TNFRSF19: variants seen among roughly 807,000 people sequenced by gnomAD.
The protein encoded by TNFRSF19 is tumor necrosis factor receptor superfamily member 19.
In TNFRSF19, 27 loss-of-function variants were observed where a neutral mutation model predicts 46.4. The ratio of observed to expected loss-of-function variants is 0.58; its 90% CI spans 0.43 to 0.80. The LOEUF is 0.80. Among genes scored for constraint, TNFRSF19 ranks in the 30% least tolerant of loss-of-function variants. The pLI is 0.00. For missense variants in TNFRSF19, 511 were observed against 530.8 expected (o/e 0.96, Z 0.37); for synonymous variants, 204 against 205.0 (o/e 1.00, Z 0.04).
At chr13:23,663,477 GT>G (rs1884504350) in intron 7 of TNFRSF19, among the ~76,000 whole-genome samples, 1 of 151,946 alleles carries the variant, frequency 6.6e-6, no homozygotes, top group Non-Finnish European at 1.5e-5. Flanking sequence ...CTGAAGTTTT[GT>G]TTTTTTGTTG....
intron 1 of TNFRSF19, among the ~76,000 whole-genome samples, chr13:23,571,604 A>C (rs892177727): frequency 2.6e-5 from 4 of 152,184 alleles, no homozygotes; most frequent in Non-Finnish European, 4.4e-5. Context: ...TTTAAGTCAA[A>C]ATTTGCCAAC....
At chr13:23,579,632 C>G (rs1282000709) in intron 1 of TNFRSF19, 1 of 152,234 alleles carries the variant, frequency 6.6e-6, no homozygotes, top group Non-Finnish European at 1.5e-5. Context: ...GGCGGCCGCC[C>G]TAGGGAGGGA....
At chr13:23,571,872 G>GTT (rs796851242) in intron 1 of TNFRSF19, among the ~76,000 whole-genome samples, 1 of 144,484 alleles carries the variant, frequency 6.9e-6, no homozygotes, top group African/African-American at 2.5e-5. Context: ...TGTTCGCGAT[G>GTT]TTTTTTTTTT....
At chr13:23,653,531 G>T (rs1432668972) in intron 5 of TNFRSF19, among the ~76,000 whole-genome samples, 3 of 152,180 alleles carry the variant, frequency 2.0e-5, no homozygotes, top group African/African-American at 7.2e-5. Flanking sequence ...CCTCACTGAG[G>T]TGGTGACATT....
chr13:23,572,170 A>C (rs577929370), intron 1 of TNFRSF19, among the ~76,000 whole-genome samples: 1 of 152,308 alleles, frequency 6.6e-6, no homozygotes, highest in African/African-American at 2.4e-5. Context: ...GAGGTTATTT[A>C]AAGCCATGCT....
chr13:23,600,270 C>T (rs913067096), intron 3 of TNFRSF19, among the ~76,000 whole-genome samples: 1 of 152,164 alleles, frequency 6.6e-6, no homozygotes, highest in African/African-American at 2.4e-5. Context: ...GTCCGCAGCT[C>T]TTAGATCTGC....
At chr13:23,658,114 G>A (rs552216436) in intron 5 of TNFRSF19, among the ~76,000 whole-genome samples, 99 of 152,184 alleles carry the variant, frequency 6.5e-4, no homozygotes, top group African/African-American at 2.3e-3. Flanking sequence ...AGTAGGATAT[G>A]CTGTTTAACT....
chr13:23,624,933 A>G (rs778047954), intron 4 of TNFRSF19, among the ~76,000 whole-genome samples: 6 of 151,154 alleles, frequency 4.0e-5, no homozygotes, highest in East Asian at 1.9e-4. Context: ...TGTATTTTTC[A>G]TAGAGACGGG....
chr13:23,624,791 C>G (rs1465774582), intron 4 of TNFRSF19, among the ~76,000 whole-genome samples: 1 of 151,004 alleles, frequency 6.6e-6, no homozygotes, highest in Non-Finnish European at 1.5e-5. Flanking sequence ...ACTCTTGTTG[C>G]CCAGGCTGGA....
chr13:23,648,598 C>T (rs890347399), intron 5 of TNFRSF19, among the ~76,000 whole-genome samples: 2 of 152,142 alleles, frequency 1.3e-5, no homozygotes. Context: ...AGTAATTTCT[C>T]TGGCTAGGAT....
At chr13:23,632,919 A>C (rs186807608) in intron 5 of TNFRSF19, among the ~76,000 whole-genome samples, 1 of 152,230 alleles carries the variant, frequency 6.6e-6, no homozygotes, top group Admixed American at 6.5e-5. Context: ...AACTCACAAA[A>C]AGCAGCATGA....
chr13:23,650,894 T>C (rs1204212152), intron 5 of TNFRSF19, among the ~76,000 whole-genome samples: 1 of 152,204 alleles, frequency 6.6e-6, no homozygotes, highest in African/African-American at 2.4e-5. Context: ...TGACGAAGCC[T>C]TCTTCTTTCA....
chr13:23,632,643 G>A (rs569902111), intron 5 of TNFRSF19, among the ~76,000 whole-genome samples: 4 of 152,148 alleles, frequency 2.6e-5, no homozygotes, highest in Non-Finnish European at 5.9e-5. Flanking sequence ...CTAAAATAGT[G>A]GTAGTCAAAG....
chr13:23,591,724 CTTTCTTT>C, intron 2 of TNFRSF19, among the ~76,000 whole-genome samples: 1 of 84,794 alleles, frequency 1.2e-5, no homozygotes, highest in Non-Finnish European at 2.5e-5. Flanking sequence ...TTCTTTCTTT[CTTTCTTT>C]TTTTTTTTTT....
At chr13:23,616,941 A>T (rs1419636790) in intron 4 of TNFRSF19, among the ~76,000 whole-genome samples, 1 of 152,204 alleles carries the variant, frequency 6.6e-6, no homozygotes, top group Non-Finnish European at 1.5e-5. Flanking sequence ...ATGCAGAAAG[A>T]TAGAAGATGA....
intron 3 of TNFRSF19, among the ~76,000 whole-genome samples, chr13:23,615,055 T>C (rs79200655): frequency 0.025 from 3,735 of 152,264 alleles, 150 homozygotes; most frequent in African/African-American, 0.085. Context: ...GAATCATACT[T>C]CTAATTCTGT....
rs567919132 is a variant in TNFRSF19 at position 23,615,685 on chromosome 13, C to T, written c.181-182C>T. Among the ~76,000 whole-genome samples, 144 of 152,294 alleles carry T rather than the reference C, an allele frequency of 9.5e-4. 1 individual carries two copies. Among genetic ancestry groups the T allele is most frequent in the Middle Eastern group, 3.4e-3 (1 of 294 alleles). Reference sequence around the variant, plus strand: ...AAAGTGGATGACTAAGTGGACTTACCATAGTAAGAGAGATCATTAGCAGTG... The same window carrying T: ...AAAGTGGATGACTAAGTGGACTTACTATAGTAAGAGAGATCATTAGCAGTG... On this transcript the variant is annotated intron_variant, in intron 3 of 9. Coordinates refer to ENST00000248484, the MANE Select transcript of TNFRSF19 (RefSeq NM_148957.4).
chr13:23,574,462 G>GTTT (rs35658802), intron 1 of TNFRSF19, among the ~76,000 whole-genome samples: 90 of 148,686 alleles, frequency 6.1e-4, no homozygotes, highest in African/African-American at 6.4e-4. Context: ...ATGGGCTCCA[G>GTTT]TTTTTTTTTT....
At chr13:23,623,527 T>C (rs1176872919) in intron 4 of TNFRSF19, among the ~76,000 whole-genome samples, 1 of 152,224 alleles carries the variant, frequency 6.6e-6, no homozygotes, top group Non-Finnish European at 1.5e-5. Context: ...ACCTACGTGC[T>C]GTTTTCCATA....
Sources: allele counts gnomAD v4.1 joint callset (sites outside exome capture counted in the v4.1 genomes callset), GRCh38; gene constraint gnomAD v4.1.1; transcripts MANE v1.5; gene names NCBI Gene and HGNC (gene_info 2026-07-23, HGNC 2026-07-21).